Variants in KCNIP4 observed in about 807,000 individuals in gnomAD.
KCNIP4 encodes potassium voltage-gated channel interacting protein 4, also known as Kv channel-interacting protein 4.
A neutral mutation model predicts 34.0 loss-of-function variants in KCNIP4; 12 were observed. That is an observed-to-expected ratio of 0.35 (90% CI 0.23 to 0.57). The LOEUF (loss-of-function observed/expected upper bound fraction) is 0.57. KCNIP4 is among the 20% of genes least tolerant of loss of function. The probability of loss-of-function intolerance (pLI) is 0.83; values close to 1 mark genes in which losing one functional copy is unlikely to be tolerated. For synonymous variants in KCNIP4, 124 were observed against 102.2 expected (o/e 1.21, Z -1.29); for missense variants, 238 against 311.7 (o/e 0.76, Z 1.78).
Position 21,081,486 on chromosome 4 carries a change from T to C in KCNIP4, c.62-198777A>G, listed in dbSNP as rs541189451. On this transcript the variant is annotated intron_variant, in intron 1 of 8. Coordinates refer to ENST00000382152, the MANE Select transcript of KCNIP4 (RefSeq NM_025221.6). ...TCAAATGTCATTAACTTCGGTAGTA[T>C]GTTTTAAAATTAACCTCAAAACGGC... Among the ~76,000 whole-genome samples, 29 of 151,876 alleles carry C rather than the reference T, an allele frequency of 1.9e-4. No individual in the cohort carries two copies. The South Asian group carries it at 3.1e-3, about 16-fold the overall frequency.
rs371302901 is a variant in KCNIP4 at position 21,664,094 on chromosome 4, C to T, written c.61+284477G>A. Among the ~76,000 whole-genome samples, 474 of 152,158 alleles carry T rather than the reference C, an allele frequency of 3.1e-3. 3 individuals are homozygous for T. Among genetic ancestry groups the T allele is most frequent in the African/African-American group, 0.011 (455 of 41,506 alleles). ...CTGAGTAGCTGGGACTACAGGTGTG[C>T]ACCACCACAACTGGCTAATTTTTTT... On this transcript the variant is annotated intron_variant, in intron 1 of 8. Transcript: ENST00000382152.
At chr4:21,423,174 G>A (rs1030233927) in intron 1 of KCNIP4, among the ~76,000 whole-genome samples, 5 of 152,066 alleles carry the variant, frequency 3.3e-5, no homozygotes, top group Non-Finnish European at 5.9e-5. Context: ...GCACTCAGAC[G>A]CTATCTTAGA....
intron 1 of KCNIP4, among the ~76,000 whole-genome samples, chr4:21,413,591 T>C (rs187934237): frequency 1.7e-3 from 255 of 152,276 alleles, no homozygotes; most frequent in African/African-American, 5.9e-3. Context: ...TGCACTGCAA[T>C]GAACTGTTTT....
chr4:21,305,161 A>G (rs945832788), intron 1 of KCNIP4, among the ~76,000 whole-genome samples: 17 of 152,192 alleles, frequency 1.1e-4, no homozygotes, highest in Non-Finnish European at 2.4e-4. Flanking sequence ...TAGATGAACA[A>G]GCTGAGGACT....
At chr4:21,795,938 G>A (rs1481842325) in intron 1 of KCNIP4, among the ~76,000 whole-genome samples, 1 of 151,940 alleles carries the variant, frequency 6.6e-6, no homozygotes, top group Admixed American at 6.6e-5. Context: ...GGTTGGTGGT[G>A]CGTGCCTGTA....
At chr4:21,243,461 T>A (rs1202363818) in intron 1 of KCNIP4, among the ~76,000 whole-genome samples, 1 of 152,214 alleles carries the variant, frequency 6.6e-6, no homozygotes, top group Non-Finnish European at 1.5e-5. Context: ...CCTACTAAAA[T>A]ACAGATTGGC....
intron 1 of KCNIP4, among the ~76,000 whole-genome samples, chr4:21,435,108 C>G (rs1726834921): frequency 6.6e-6 from 1 of 152,044 alleles, no homozygotes; most frequent in Non-Finnish European, 1.5e-5. Flanking sequence ...AGGAGATTGG[C>G]CCTTTCAAAG....
intron 2 of KCNIP4, among the ~76,000 whole-genome samples, chr4:20,865,428 T>C (rs1481061338): frequency 2.0e-5 from 3 of 152,088 alleles, no homozygotes; most frequent in Non-Finnish European, 4.4e-5. Flanking sequence ...TAATTAAAAT[T>C]GGCAGCTTAT....
intron 1 of KCNIP4, among the ~76,000 whole-genome samples, chr4:21,733,828 C>T (rs917968140): frequency 2.0e-5 from 3 of 152,080 alleles, no homozygotes; most frequent in African/African-American, 7.2e-5. Context: ...TTCATATTCC[C>T]TACTTAATAA....
chr4:21,451,293 G>A (rs752555629), intron 1 of KCNIP4, among the ~76,000 whole-genome samples: 1 of 152,118 alleles, frequency 6.6e-6, no homozygotes, highest in African/African-American at 2.4e-5. Flanking sequence ...TGAAATGTCA[G>A]TGGTAAGACA....
At chr4:21,034,710 T>C (rs953462813) in intron 1 of KCNIP4, among the ~76,000 whole-genome samples, 1 of 152,196 alleles carries the variant, frequency 6.6e-6, no homozygotes, top group African/African-American at 2.4e-5. Context: ...CCTAATTGTT[T>C]GTGGAGATTA....
intron 1 of KCNIP4, among the ~76,000 whole-genome samples, chr4:21,229,962 C>T (rs1364317528): frequency 6.6e-6 from 1 of 152,056 alleles, no homozygotes; most frequent in Admixed American, 6.6e-5. Context: ...AAATAGTGTC[C>T]ACCCAACATT....
intron 1 of KCNIP4, among the ~76,000 whole-genome samples, chr4:21,623,632 A>T (rs35426077): frequency 6.6e-6 from 1 of 151,964 alleles, no homozygotes; most frequent in African/African-American, 2.4e-5. Flanking sequence ...TCAATTAGTT[A>T]TAGAGAAGCT....
intron 1 of KCNIP4, among the ~76,000 whole-genome samples, chr4:21,528,678 A>G (rs1050523821): frequency 1.1e-3 from 3 of 2,688 alleles, no homozygotes; most frequent in African/African-American, 1.4e-3. Flanking sequence ...TAAAAAACAA[A>G]GAAAGAAAGA....
intron 1 of KCNIP4, among the ~76,000 whole-genome samples, chr4:21,248,003 ACC>A (rs35633880): frequency 0.33 from 34,786 of 105,628 alleles, 4,472 homozygotes; most frequent in African/African-American, 0.39. Flanking sequence ...ACACACACAC[ACC>A]CCCCACAGGT....
chr4:21,274,314 T>C (rs901112), intron 1 of KCNIP4, among the ~76,000 whole-genome samples: 40,064 of 152,086 alleles, frequency 0.26, 5,411 homozygotes, highest in South Asian at 0.36. Context: ...TTTCAAGATG[T>C]GTACTGTTTG....
At chr4:21,573,627 T>C (rs1740515774) in intron 1 of KCNIP4, among the ~76,000 whole-genome samples, 1 of 152,180 alleles carries the variant, frequency 6.6e-6, no homozygotes, top group Non-Finnish European at 1.5e-5. Context: ...ACCTTAGCTG[T>C]GTTCTCTAGT....
chr4:21,143,212 C>T (rs1445792722), intron 1 of KCNIP4, among the ~76,000 whole-genome samples: 3 of 152,128 alleles, frequency 2.0e-5, no homozygotes, highest in Admixed American at 6.5e-5. Flanking sequence ...TCTAATAAAA[C>T]CAGCCCTTAA....
chr4:21,855,150 G>C (rs191680461), intron 1 of KCNIP4, among the ~76,000 whole-genome samples: 1 of 152,148 alleles, frequency 6.6e-6, no homozygotes, highest in East Asian at 1.9e-4. Flanking sequence ...ATGGAGAGCC[G>C]TCTATTGTTC....
Sources: allele counts gnomAD v4.1 joint callset (sites outside exome capture counted in the v4.1 genomes callset), GRCh38; gene constraint gnomAD v4.1.1; transcripts MANE v1.5; gene names NCBI Gene and HGNC (gene_info 2026-07-23, HGNC 2026-07-21).